PHF11: variants seen among roughly 807,000 people sequenced by gnomAD.
PHF11 encodes the protein BRCA1 C-terminus-associated protein.
A neutral mutation model predicts 40.5 loss-of-function variants in PHF11; 38 were observed. That is an observed-to-expected ratio of 0.94 (90% CI 0.72 to 1.23). PHF11 has a LOEUF of 1.23. Ranked by LOEUF, PHF11 falls within the 50% of genes most tolerant of loss-of-function variation. PHF11 has a pLI of 0.00. For synonymous variants in PHF11, 127 were observed against 138.2 expected (o/e 0.92, Z 0.57); for missense variants, 369 against 392.4 (o/e 0.94, Z 0.50).
At chr13:49,526,933 C>G (rs978225635) in intron 9 of PHF11, among the ~76,000 whole-genome samples, 2 of 152,012 alleles carry the variant, frequency 1.3e-5, no homozygotes, top group African/African-American at 4.8e-5. Flanking sequence ...ATAAACCATC[C>G]CTCCGCTTGC....
At chr13:49,524,689 T>A (rs1182986095) in intron 8 of PHF11, among the ~76,000 whole-genome samples, 1 of 152,160 alleles carries the variant, frequency 6.6e-6, no homozygotes, top group African/African-American at 2.4e-5. Context: ...TTGGCCAGGC[T>A]GGTCTTGAAC....
chr13:49,504,690 G>C (rs1250740833), intron 1 of PHF11, among the ~76,000 whole-genome samples: 15 of 151,136 alleles, frequency 9.9e-5, no homozygotes, highest in South Asian at 2.1e-4. Flanking sequence ...CCCTCTGCCC[G>C]GCCACCACCC....
At chr13:49,517,163 C>T (rs948273679) in intron 3 of PHF11, among the ~76,000 whole-genome samples, 5 of 152,094 alleles carry the variant, frequency 3.3e-5, no homozygotes, top group African/African-American at 9.7e-5. Flanking sequence ...GAATTTCCAC[C>T]GTTATCATAA....
Position 49,511,742 on chromosome 13 carries a change from A to G in PHF11, c.217-1317A>G, listed in dbSNP as rs146498661. On this transcript the variant is annotated intron_variant, in intron 2 of 9. Coordinates refer to ENST00000378319, the MANE Select transcript of PHF11 (RefSeq NM_001040443.3). ...AAGTATTTTTAAATGAGCTATTATCAGTATATATGAACACTATTGATTTTT... is the reference window on the plus strand; with the variant it reads ...AAGTATTTTTAAATGAGCTATTATCGGTATATATGAACACTATTGATTTTT... 2.9e-3 allele frequency among the ~76,000 whole-genome samples: 437 copies of G among 152,304 alleles called. 2 individuals carry two copies. The highest frequency in any genetic ancestry group is 9.8e-3 in the African/African-American group (408 of 41,566).
In PHF11 at chr13:49,528,753, G is replaced by T; in HGVS notation, c.*88G>T. The T allele has an allele frequency of 1.1e-6, 1 of 911,132 alleles. No homozygotes were observed. The highest frequency in any genetic ancestry group is 1.7e-6 in the Non-Finnish European group (1 of 593,202). The allele number at this position is 911,132 out of a possible 1,614,324, so 56.4% of individuals were successfully genotyped here. The stretch of plus-strand genomic sequence containing the variant: ...AGGCTGTGAAATCCACACATCTTTA[G>T]AACTAGTCGTCTCCTCTTGGCCTCA... On this transcript the variant is annotated 3_prime_UTR_variant, in exon 10 of 10. Coordinates refer to ENST00000378319, the MANE Select transcript of PHF11 (RefSeq NM_001040443.3).
At chr13:49,498,959 C>T (rs148497887) in intron 1 of PHF11, among the ~76,000 whole-genome samples, 1 of 152,144 alleles carries the variant, frequency 6.6e-6, no homozygotes, top group Non-Finnish European at 1.5e-5. Context: ...ATGAGGGATG[C>T]TTAGTAGTAG....
At chr13:49,517,248 TGA>T (rs1959165611) in intron 3 of PHF11, among the ~76,000 whole-genome samples, 1 of 152,194 alleles carries the variant, frequency 6.6e-6, no homozygotes, top group Admixed American at 6.5e-5. Flanking sequence ...GGCTATGGTG[TGA>T]GTGACCTCCT....
At chr13:49,496,124 CG>C in intron 1 of PHF11, 29 bp downstream of exon 1, 1 of 358,222 alleles carries the variant, frequency 2.8e-6, no homozygotes. Flanking sequence ...GGCGGGCGGG[CG>C]GGCGGGGCTG....
At chr13:49,526,953 G>A (rs973941634) in intron 9 of PHF11, among the ~76,000 whole-genome samples, 5 of 151,728 alleles carry the variant, frequency 3.3e-5, no homozygotes, top group Admixed American at 6.6e-5. Context: ...CCTCCCTCTC[G>A]CTTGGTGAGA....
At chr13:49,500,886 C>G (rs1012944392) in intron 1 of PHF11, among the ~76,000 whole-genome samples, 2 of 151,922 alleles carry the variant, frequency 1.3e-5, no homozygotes, top group East Asian at 1.9e-4. Flanking sequence ...ACAGCTCTGC[C>G]CAGTGCACAG....
chr13:49,511,330 T>C (rs1177368620), intron 2 of PHF11, among the ~76,000 whole-genome samples: 2 of 150,622 alleles, frequency 1.3e-5, no homozygotes, highest in African/African-American at 2.4e-5. Context: ...TCAATGGCTT[T>C]TTTTTTTTTT....
chr13:49,500,886 C>T (rs1012944392), intron 1 of PHF11, among the ~76,000 whole-genome samples: 1 of 151,922 alleles, frequency 6.6e-6, no homozygotes, highest in Non-Finnish European at 1.5e-5. Context: ...ACAGCTCTGC[C>T]CAGTGCACAG....
intron 2 of PHF11, 75 bp from the exon 3 acceptor site, chr13:49,512,984 T>G: frequency 1.3e-6 from 1 of 750,158 alleles, no homozygotes; most frequent in Non-Finnish European, 2.3e-6. Flanking sequence ...ATTTTCCACT[T>G]TTGGTATGAT....
intron 4 of PHF11, chr13:49,518,711 G>A (rs9526565): frequency 0.45 from 69,144 of 152,100 alleles, 16,740 homozygotes; most frequent in Middle Eastern, 0.56. Context: ...GCTGGTCAGT[G>A]GCAGAGCTGG....
rs770982746 is a variant in PHF11 at position 49,513,167 on chromosome 13, G to A, written c.324+1G>A. 7.1e-6 allele frequency: 10 copies of A among 1,415,510 alleles called. No homozygotes were observed. In the East Asian group the frequency reaches 2.3e-4, roughly 32 times the overall value. The allele number at this position is 1,415,510 out of a possible 1,614,324, so 87.7% of individuals were successfully genotyped here. ...AGAAATCCAGAGAGGAAGGAAGTTG[G>A]TAAGTGTAAATGATGTTATTTCTTA... On this transcript the variant is annotated splice_donor_variant, in intron 3 of 9. Transcript: ENST00000378319. LOFTEE classifies it high-confidence loss of function.
intron 3 of PHF11, among the ~76,000 whole-genome samples, chr13:49,514,136 C>T (rs139089797): frequency 6.6e-6 from 1 of 152,254 alleles, no homozygotes; most frequent in East Asian, 1.9e-4. Flanking sequence ...CAGCGACATC[C>T]TCTCAAGGAC....
chr13:49,524,511 G>C (rs1959216129), intron 8 of PHF11, among the ~76,000 whole-genome samples: 1 of 143,932 alleles, frequency 6.9e-6, no homozygotes, highest in South Asian at 2.2e-4. Context: ...TTTCGCCCTT[G>C]TTGCCCAGGC....
Position 49,518,054 on chromosome 13 carries a change from G to T in PHF11, c.361G>T (p.Gly121Ter), listed in dbSNP as rs769668281. The T allele has an allele frequency of 6.3e-7, 1 of 1,587,534 alleles. No homozygotes were observed. Among genetic ancestry groups the T allele is most frequent in the Non-Finnish European group, 8.6e-7 (1 of 1,158,644 alleles). The change falls in exon 4 of 10, where the codon GGA becomes TGA. Residue 121 changes from glycine to a stop codon, truncating the protein, a stop_gained. Coordinates refer to ENST00000378319, the MANE Select transcript of PHF11 (RefSeq NM_001040443.3). LOFTEE classifies it high-confidence loss of function. ...KFCHKRGATV[G>*]CDLKNCNKNY... is the part of the protein sequence containing the mutation. ...TTGTCATAAAAGAGGAGCCACCGTG[G>T]GATGTGATTTAAAAAACTGTAACAA... is the stretch of plus-strand genomic sequence containing the variant.
chr13:49,498,373 C>G (rs184742832), intron 1 of PHF11, among the ~76,000 whole-genome samples: 1 of 150,188 alleles, frequency 6.7e-6, no homozygotes, highest in Non-Finnish European at 1.5e-5. Flanking sequence ...AGTAACCTAG[C>G]ACATTTCTGG....
Sources: gnomAD v4.1 joint callset for allele counts (sites outside exome capture counted in the v4.1 genomes callset) on GRCh38, gnomAD v4.1.1 for gene constraint, MANE v1.5 for transcripts, NCBI Gene and HGNC (gene_info 2026-07-23, HGNC 2026-07-21) for gene names.